The following HIBCH variants were observed in gnomAD, a reference collection of about 807,000 sequenced individuals.
HIBCH encodes the protein 3-hydroxyisobutyryl-CoA hydrolase, mitochondrial.
In HIBCH, 50 loss-of-function variants were observed where a neutral mutation model predicts 58.2. The ratio of observed to expected loss-of-function variants is 0.86; its 90% CI spans 0.68 to 1.09. The LOEUF is 1.09. HIBCH is among the 50% of genes least tolerant of loss of function. HIBCH has a pLI of 0.00. For missense variants in HIBCH, 450 were observed against 449.7 expected, an observed-to-expected ratio of 1.00 and a Z score of -0.01; for synonymous variants, 151 against 146.9, an observed-to-expected ratio of 1.03 and a Z score of -0.20.
At chr2:190,238,590 C>CA (rs1218069972) in intron 11 of HIBCH, among the ~76,000 whole-genome samples, 1 of 152,100 alleles carries the variant, frequency 6.6e-6, no homozygotes, top group East Asian at 1.9e-4. Flanking sequence ...TCAGCCTCCA[C>CA]AGTAGCTGGG....
chr2:190,292,329 G>A (rs1207580645), intron 4 of HIBCH, among the ~76,000 whole-genome samples: 3 of 151,576 alleles, frequency 2.0e-5, no homozygotes, highest in African/African-American at 7.3e-5. Context: ...TTTTTGAAAC[G>A]GAGTCTTGCC....
chr2:190,314,684 G>A (rs1688667745), intron 1 of HIBCH, among the ~76,000 whole-genome samples: 1 of 151,946 alleles, frequency 6.6e-6, no homozygotes, highest in Non-Finnish European at 1.5e-5. Flanking sequence ...TCTCCATGTT[G>A]GCCAGGCTAG....
At chr2:190,239,587 A>G (rs1031641374) in intron 11 of HIBCH, among the ~76,000 whole-genome samples, 6 of 152,028 alleles carry the variant, frequency 3.9e-5, no homozygotes, top group Non-Finnish European at 7.4e-5. Flanking sequence ...CTTCCTATCC[A>G]TAAGCATAGA....
chr2:190,307,498 C>T (rs1688443134), intron 2 of HIBCH, among the ~76,000 whole-genome samples: 1 of 152,054 alleles, frequency 6.6e-6, no homozygotes, highest in East Asian at 1.9e-4. Context: ...ACAGAAACCT[C>T]ATCTCTACAA....
chr2:190,285,476 G>A (rs78681273), intron 6 of HIBCH, among the ~76,000 whole-genome samples: 2,862 of 152,238 alleles, frequency 0.019, 102 homozygotes, highest in African/African-American at 0.064. Context: ...GCCAAGCAGA[G>A]GTACAGATCA....
intron 5 of HIBCH, among the ~76,000 whole-genome samples, chr2:190,289,263 G>A (rs1052050961): frequency 4.0e-5 from 6 of 151,668 alleles, no homozygotes; most frequent in African/African-American, 1.2e-4. Context: ...ATATCCCCAT[G>A]TGTTTAATCT....
intron 2 of HIBCH, among the ~76,000 whole-genome samples, chr2:190,299,560 T>G (rs919822853): frequency 5.3e-5 from 8 of 152,112 alleles, no homozygotes; most frequent in Non-Finnish European, 1.0e-4. Flanking sequence ...ACAAACATAC[T>G]GGGGAAGGAT....
chr2:190,280,803 T>C (rs1687687197), intron 6 of HIBCH: 2 of 152,130 alleles, frequency 1.3e-5, no homozygotes. Context: ...AAACCCCAAG[T>C]CAAGGGCCAA....
Position 190,294,018 on chromosome 2 carries a change from G to GTATA in HIBCH, c.304+527_304+528insTATA, listed in dbSNP as rs1282515390. ...ATATATATTTTGTAATATATATTTTGTGTGTATATATATATATATATATAT... is the reference window on the plus strand; with the variant it reads ...ATATATATTTTGTAATATATATTTTGTATATGTGTATATATATATATATATATAT... On this transcript the variant is annotated intron_variant, in intron 4 of 13. Transcript: ENST00000359678. 1.9e-3 allele frequency among the ~76,000 whole-genome samples: 76 copies of GTATA among 39,956 alleles called. 1 individual carries two copies. Among genetic ancestry groups the GTATA allele is most frequent in the African/African-American group, 8.7e-3 (68 of 7,816 alleles). 26.2% of individuals were successfully genotyped at this position (39,956 alleles called of 152,430 possible).
chr2:190,225,302 A>G (rs1271985142), intron 11 of HIBCH, among the ~76,000 whole-genome samples: 1 of 152,228 alleles, frequency 6.6e-6, no homozygotes, highest in Admixed American at 6.5e-5. Context: ...AGACACAAAA[A>G]ACCCTTCAAA....
At chr2:190,272,217 A>C (rs1416549702) in intron 6 of HIBCH, among the ~76,000 whole-genome samples, 1 of 152,238 alleles carries the variant, frequency 6.6e-6, no homozygotes, top group Non-Finnish European at 1.5e-5. Context: ...TCTAGGAGAA[A>C]GGAAAACATG....
chr2:190,245,093 T>C, intron 10 of HIBCH, 125 bp from the exon 11 acceptor site: 2 of 705,776 alleles, frequency 2.8e-6, no homozygotes, highest in South Asian at 3.1e-5. Flanking sequence ...CTAACCTCTT[T>C]AACAGGACGT....
At chr2:190,286,410 A>T (rs997738508) in intron 6 of HIBCH, among the ~76,000 whole-genome samples, 1 of 152,136 alleles carries the variant, frequency 6.6e-6, no homozygotes, top group Non-Finnish European at 1.5e-5. Context: ...TAAAACTTTG[A>T]TTAAACAAAT....
At chr2:190,227,753 A>G (rs960243023) in intron 11 of HIBCH, among the ~76,000 whole-genome samples, 6 of 152,232 alleles carry the variant, frequency 3.9e-5, no homozygotes, top group African/African-American at 1.2e-4. Flanking sequence ...AAAGGATATG[A>G]ACAGCCACTT....
In HIBCH at chr2:190,287,567, G is replaced by C. The variant is rs919531257; in HGVS notation, c.438+19C>G. 49 of 1,516,486 alleles carry C rather than the reference G, an allele frequency of 3.2e-5. No homozygotes were observed. Among genetic ancestry groups the C allele is most frequent in the Admixed American group, 2.2e-4 (13 of 59,840 alleles). The allele number at this position is 1,516,486 out of a possible 1,614,324, so 93.9% of individuals were successfully genotyped here. On this transcript the variant is annotated intron_variant, in intron 6 of 13. Coordinates refer to ENST00000359678, the MANE Select transcript of HIBCH (RefSeq NM_014362.4). Reference sequence around the variant, plus strand: ...ATACAACTCACTCATACAATGATCAGAGTAAAAAGTCTACTTACCCCACCC... The same window carrying C: ...ATACAACTCACTCATACAATGATCACAGTAAAAAGTCTACTTACCCCACCC...
chr2:190,282,090 C>T (rs886264258), intron 6 of HIBCH, among the ~76,000 whole-genome samples: 7 of 152,136 alleles, frequency 4.6e-5, no homozygotes, highest in African/African-American at 1.4e-4. Context: ...CTTAATGCTC[C>T]GTTCACAGCA....
intron 6 of HIBCH, among the ~76,000 whole-genome samples, chr2:190,270,382 A>G (rs534226770): frequency 2.6e-5 from 4 of 152,240 alleles, no homozygotes; most frequent in African/African-American, 7.2e-5. Context: ...AGACACATGT[A>G]AACAATTCAA....
At chr2:190,198,290 C>A (rs532061228) in intron 1 of HIBCH, among the ~76,000 whole-genome samples, 15 of 152,222 alleles carry the variant, frequency 9.9e-5, no homozygotes, top group African/African-American at 3.4e-4. Context: ...CTCTGGACAT[C>A]CTTAATTACA....
At chr2:190,308,773 T>A (rs1688479499) in intron 2 of HIBCH, among the ~76,000 whole-genome samples, 1 of 152,198 alleles carries the variant, frequency 6.6e-6, no homozygotes, top group South Asian at 2.1e-4. Flanking sequence ...CTAACACAGT[T>A]AGGAAGGGAT....
Sources: allele counts gnomAD v4.1 joint callset (sites outside exome capture counted in the v4.1 genomes callset), GRCh38; gene constraint gnomAD v4.1.1; transcripts MANE v1.5; gene names NCBI Gene and HGNC (gene_info 2026-07-23, HGNC 2026-07-21).